Variants in UST observed in about 807,000 individuals in gnomAD.
The protein encoded by UST is uronyl 2-sulfotransferase.
Under a neutral mutation model 45.6 loss-of-function variants are expected in UST, and 21 were observed. The ratio of observed to expected loss-of-function variants is 0.46; its 90% CI spans 0.33 to 0.66. UST has a LOEUF of 0.66. Among genes scored for constraint, UST ranks in the 30% least tolerant of loss-of-function variants. The pLI is 0.02. For missense variants in UST, 463 were observed against 512.4 expected (o/e 0.90, Z 0.93); for synonymous variants, 215 against 200.6 (o/e 1.07, Z -0.61).
intron 2 of UST, among the ~76,000 whole-genome samples, chr6:148,913,950 T>C (rs1311425221): frequency 1.3e-5 from 2 of 152,186 alleles, no homozygotes; most frequent in Admixed American, 6.5e-5. Flanking sequence ...AAGATTCATA[T>C]GTTGAAGTCT....
intron 7 of UST, among the ~76,000 whole-genome samples, chr6:149,030,573 A>G (rs960776054): frequency 1.2e-4 from 18 of 152,130 alleles, no homozygotes; most frequent in African/African-American, 4.3e-4. Context: ...ATCATAGATG[A>G]TTGTTTTTAA....
At chr6:148,906,502 TA>T (rs1302365874) in intron 2 of UST, among the ~76,000 whole-genome samples, 1 of 152,236 alleles carries the variant, frequency 6.6e-6, no homozygotes, top group Non-Finnish European at 1.5e-5. Context: ...TTGATGTTTC[TA>T]AAGTTTCAAA....
intron 1 of UST, among the ~76,000 whole-genome samples, chr6:148,883,053 A>T (rs1014253004): frequency 6.6e-6 from 1 of 152,234 alleles, no homozygotes; most frequent in Non-Finnish European, 1.5e-5. Flanking sequence ...CTCAATTTTG[A>T]GGTAATGCTT....
At chr6:148,974,782 G>T (rs1036090208) in intron 5 of UST, among the ~76,000 whole-genome samples, 21 of 152,210 alleles carry the variant, frequency 1.4e-4, no homozygotes, top group Admixed American at 1.4e-3. Flanking sequence ...AAATGGCTCT[G>T]CATTTCATAT....
At chr6:148,926,972 A>T (rs1172461969) in intron 2 of UST, among the ~76,000 whole-genome samples, 2 of 152,114 alleles carry the variant, frequency 1.3e-5, no homozygotes, top group African/African-American at 4.8e-5. Context: ...ATTGAAGGTG[A>T]GGACTCTATG....
At chr6:148,911,013 T>C (rs1350732785) in intron 2 of UST, among the ~76,000 whole-genome samples, 4 of 152,164 alleles carry the variant, frequency 2.6e-5, no homozygotes, top group Admixed American at 2.6e-4. Flanking sequence ...CTAGGCCTGG[T>C]CTTGGGATTC....
chr6:148,967,615 G>A (rs1027772361), intron 5 of UST, among the ~76,000 whole-genome samples: 1 of 152,202 alleles, frequency 6.6e-6, no homozygotes, highest in Non-Finnish European at 1.5e-5. Context: ...TGTTGTTTGT[G>A]TCTCAGCGGG....
intron 1 of UST, among the ~76,000 whole-genome samples, chr6:148,760,631 C>T (rs1219233986): frequency 1.3e-4 from 20 of 150,078 alleles, no homozygotes; most frequent in Admixed American, 1.3e-3. Context: ...TTTGAAGACA[C>T]AGAAAGTAAA....
chr6:148,784,883 A>T (rs1488092166), intron 1 of UST, among the ~76,000 whole-genome samples: 1 of 152,226 alleles, frequency 6.6e-6, no homozygotes, highest in African/African-American at 2.4e-5. Flanking sequence ...GGAAGAGCAG[A>T]GCATGGCCAT....
At chr6:148,832,705 G>A in intron 1 of UST, among the ~76,000 whole-genome samples, 1 of 152,210 alleles carries the variant, frequency 6.6e-6, no homozygotes, top group East Asian at 1.9e-4. Context: ...AAATCCAGTG[G>A]CATGAGCCTT....
chr6:149,038,566 CTA>C (rs1776268084), intron 7 of UST, among the ~76,000 whole-genome samples: 2 of 152,132 alleles, frequency 1.3e-5, no homozygotes, highest in Admixed American at 6.5e-5. Context: ...GTTTTCAAAA[CTA>C]TGAGAGAATA....
chr6:148,831,776 A>G (rs1211241679), intron 1 of UST, among the ~76,000 whole-genome samples: 3 of 152,088 alleles, frequency 2.0e-5, no homozygotes, highest in Non-Finnish European at 4.4e-5. Context: ...GCCTGCACAG[A>G]GTACAGCCCT....
intron 5 of UST, among the ~76,000 whole-genome samples, chr6:149,018,077 C>T (rs1010258562): frequency 1.3e-5 from 2 of 152,008 alleles, no homozygotes; most frequent in African/African-American, 2.4e-5. Flanking sequence ...TGTTTATTTC[C>T]GTTGAATTTG....
Position 148,951,821 on chromosome 6 carries a change from G to A in UST, c.448-2051G>A, listed in dbSNP as rs150854007. 6.7e-3 allele frequency among the ~76,000 whole-genome samples: 1,023 copies of A among 152,260 alleles called. 28 individuals carry two copies. The highest frequency in any genetic ancestry group is 0.054 in the Admixed American group (831 of 15,296). On this transcript the variant is annotated intron_variant, in intron 3 of 7. Transcript: ENST00000367463. ...CCTTGATTCTATGTTTAAAGATAAC[G>A]TCTAGAAAGAGTTATACATTGTCAC...
intron 5 of UST, among the ~76,000 whole-genome samples, chr6:148,967,813 G>A (rs952232218): frequency 1.3e-5 from 2 of 152,150 alleles, no homozygotes; most frequent in Admixed American, 6.5e-5. Context: ...GCCAAAATTC[G>A]GGCAGTTCTG....
chr6:148,923,706 ACCATCACCTGAC>A (rs1779758208), intron 2 of UST, among the ~76,000 whole-genome samples: 1 of 152,156 alleles, frequency 6.6e-6, no homozygotes, highest in South Asian at 2.1e-4. Context: ...GGAGATCGAG[ACCATCACCTGAC>A]CCAGGATGAG....
intron 7 of UST, among the ~76,000 whole-genome samples, chr6:149,057,652 A>G (rs907549681): frequency 2.6e-5 from 4 of 152,248 alleles, no homozygotes; most frequent in African/African-American, 4.8e-5. Flanking sequence ...AGATGGTTAT[A>G]TGACCTTTAA....
At chr6:148,938,969 A>C (rs1305623348) in intron 2 of UST, among the ~76,000 whole-genome samples, 1 of 152,072 alleles carries the variant, frequency 6.6e-6, no homozygotes, top group Non-Finnish European at 1.5e-5. Flanking sequence ...CTTATTATAG[A>C]AAATCCTAAA....
At chr6:149,019,068 TA>T in intron 5 of UST, 70 bp from the exon 6 acceptor site, 1 of 1,139,806 alleles carries the variant, frequency 8.8e-7, no homozygotes, top group South Asian at 1.2e-5. Context: ...GAATTTTACT[TA>T]AACTGTGTGG....
Sources: allele counts gnomAD v4.1 joint callset (sites outside exome capture counted in the v4.1 genomes callset), GRCh38; gene constraint gnomAD v4.1.1; transcripts MANE v1.5; gene names NCBI Gene and HGNC (gene_info 2026-07-23, HGNC 2026-07-21).